The following CSMD1 variants were observed in gnomAD, a reference collection of about 807,000 sequenced individuals.
CSMD1 encodes CUB and Sushi multiple domains 1, also known as CUB and sushi domain-containing protein 1.
Under a neutral mutation model 417.5 loss-of-function variants are expected in CSMD1, and 213 were observed. The observed-to-expected ratio is 0.51, with a 90% CI of 0.46 to 0.57. The LOEUF (loss-of-function observed/expected upper bound fraction) is 0.57, where lower values mean the gene tolerates loss of function less well. Among genes scored for constraint, CSMD1 ranks in the 20% least tolerant of loss-of-function variants. The pLI, the probability that CSMD1 is intolerant of heterozygous loss-of-function variation, is 0.00. For missense variants in CSMD1, 6,923 were observed against 4,529.7 expected (o/e 1.53, Z -15.17); for synonymous variants, 2,862 against 1,736.8 (o/e 1.65, Z -16.11).
rs117570955 is a variant in CSMD1, at chr8:4,685,838, T to C, written c.86-48280A>G. Among the ~76,000 whole-genome samples the C allele has an allele frequency of 8.8e-4, 134 of 152,314 alleles. No homozygotes were observed. The Middle Eastern group carries it at 0.01, about 12-fold the overall frequency. ...ATTACTTTCAATTTGCCATGACTCA[T>C]ATTTATAGGTTTGCTAAAAGAGAGG... On this transcript the variant is annotated intron_variant, in intron 1 of 69. Coordinates refer to ENST00000635120, the MANE Select transcript of CSMD1 (RefSeq NM_033225.6).
chr8:4,713,163 C>T (rs551065231), intron 1 of CSMD1, among the ~76,000 whole-genome samples: 46 of 152,236 alleles, frequency 3.0e-4, no homozygotes, highest in African/African-American at 8.7e-4. Context: ...ATGTGTTCCC[C>T]GGGTGGGGAA....
chr8:4,561,769 C>G (rs1049862237), intron 2 of CSMD1, among the ~76,000 whole-genome samples: 2 of 152,144 alleles, frequency 1.3e-5, no homozygotes, highest in Non-Finnish European at 2.9e-5. Flanking sequence ...GACACTTTAC[C>G]TGTGATCTCT....
chr8:3,545,242 G>C (rs958010279), intron 10 of CSMD1, among the ~76,000 whole-genome samples: 2 of 152,144 alleles, frequency 1.3e-5, no homozygotes, highest in African/African-American at 2.4e-5. Flanking sequence ...ATATGTATGT[G>C]TCTATGAACT....
intron 1 of CSMD1, among the ~76,000 whole-genome samples, chr8:4,894,973 C>T (rs1585280342): frequency 6.6e-6 from 1 of 152,268 alleles, no homozygotes; most frequent in African/African-American, 2.4e-5. Flanking sequence ...GGCTCAGCTT[C>T]CACTTTTCTG....
intron 10 of CSMD1, among the ~76,000 whole-genome samples, chr8:3,560,794 G>C (rs139732340): frequency 3.9e-5 from 6 of 152,152 alleles, no homozygotes; most frequent in Non-Finnish European, 7.4e-5. Flanking sequence ...TGACCCTATC[G>C]AGCTAGAGAA....
At chr8:4,568,232 C>T (rs1172750098) in intron 2 of CSMD1, among the ~76,000 whole-genome samples, 1 of 152,150 alleles carries the variant, frequency 6.6e-6, no homozygotes, top group Non-Finnish European at 1.5e-5. Context: ...CACCCAACAA[C>T]ACATCATTTA....
intron 5 of CSMD1, among the ~76,000 whole-genome samples, chr8:3,844,985 C>G (rs538039929): frequency 1.3e-5 from 2 of 152,238 alleles, no homozygotes; most frequent in East Asian, 3.9e-4. Flanking sequence ...TATGCAGATA[C>G]TGCACAAACT....
At chr8:4,371,155 C>G (rs539075776) in intron 3 of CSMD1, among the ~76,000 whole-genome samples, 3 of 152,196 alleles carry the variant, frequency 2.0e-5, no homozygotes, top group South Asian at 2.1e-4. Context: ...TTGGGTATAG[C>G]TGAATGACTT....
intron 2 of CSMD1, among the ~76,000 whole-genome samples, chr8:4,433,686 C>A (rs184181925): frequency 5.2e-4 from 79 of 152,284 alleles, no homozygotes; most frequent in African/African-American, 1.7e-3. Flanking sequence ...TGCAGTCATT[C>A]ACCTGGCATG....
chr8:4,665,228 C>A (rs531518704), intron 1 of CSMD1, among the ~76,000 whole-genome samples: 4 of 152,152 alleles, frequency 2.6e-5, no homozygotes, highest in Non-Finnish European at 4.4e-5. Context: ...TCTCCCACGA[C>A]CTTCCTCTCC....
intron 3 of CSMD1, among the ~76,000 whole-genome samples, chr8:4,262,055 G>C (rs1307485219): frequency 2.0e-5 from 3 of 152,076 alleles, no homozygotes; most frequent in African/African-American, 7.2e-5. Context: ...CCATATTTTA[G>C]ATTTACCTTG....
chr8:4,744,837 G>T (rs1297598653), intron 1 of CSMD1, among the ~76,000 whole-genome samples: 1 of 152,034 alleles, frequency 6.6e-6, no homozygotes, highest in Non-Finnish European at 1.5e-5. Context: ...AAGAAAGTAT[G>T]TTTTTCTAAT....
At chr8:3,926,908 G>T (rs2129147275) in intron 5 of CSMD1, among the ~76,000 whole-genome samples, 1 of 151,502 alleles carries the variant, frequency 6.6e-6, no homozygotes, top group Admixed American at 6.6e-5. Context: ...TAGAGAAAGG[G>T]TTTCACCATG....
intron 3 of CSMD1, among the ~76,000 whole-genome samples, chr8:4,344,841 T>C (rs1156658766): frequency 6.6e-6 from 1 of 152,154 alleles, no homozygotes; most frequent in Non-Finnish European, 1.5e-5. Context: ...AAAGGATCTT[T>C]GAGAACCTTT....
At chr8:3,754,957 G>T (rs1485563900) in intron 5 of CSMD1, among the ~76,000 whole-genome samples, 1 of 79,594 alleles carries the variant, frequency 1.3e-5, no homozygotes, top group African/African-American at 5.0e-5. Flanking sequence ...TATGTTTTAA[G>T]AAAGCAGTGC....
intron 57 of CSMD1, among the ~76,000 whole-genome samples, chr8:2,970,156 C>T (rs1006836949): frequency 7.9e-5 from 12 of 152,120 alleles, no homozygotes; most frequent in African/African-American, 2.7e-4. Flanking sequence ...CAATTAAGCT[C>T]TCATTCAAAT....
chr8:4,033,328 G>C (rs900061363), intron 3 of CSMD1, among the ~76,000 whole-genome samples: 1 of 152,022 alleles, frequency 6.6e-6, no homozygotes, highest in Non-Finnish European at 1.5e-5. Context: ...TGTAGTCCCA[G>C]CTACTTGGGA....
chr8:3,638,190 G>A (rs9792136), intron 7 of CSMD1, among the ~76,000 whole-genome samples: 1 of 151,998 alleles, frequency 6.6e-6, no homozygotes, highest in Non-Finnish European at 1.5e-5. Context: ...TTCAAACCCA[G>A]TTCAGCAAGT....
At chr8:4,023,749 G>A (rs551484445) in intron 4 of CSMD1, among the ~76,000 whole-genome samples, 1 of 133,062 alleles carries the variant, frequency 7.5e-6, no homozygotes, top group South Asian at 2.4e-4. Flanking sequence ...GCTACGCTCG[G>A]CTAATTTTTT....
Sources: gnomAD v4.1 joint callset for allele counts (sites outside exome capture counted in the v4.1 genomes callset) on GRCh38, gnomAD v4.1.1 for gene constraint, MANE v1.5 for transcripts, NCBI Gene and HGNC (gene_info 2026-07-23, HGNC 2026-07-21) for gene names.